SHMT2: variants seen among roughly 807,000 people sequenced by gnomAD.
SHMT2 encodes the protein serine hydroxymethyltransferase, mitochondrial.
In SHMT2, 38 loss-of-function variants were observed where a neutral mutation model predicts 59.6. The observed-to-expected ratio is 0.64, with a 90% confidence interval of 0.49 to 0.84. The LOEUF (loss-of-function observed/expected upper bound fraction) is 0.84, where lower values mean the gene tolerates loss of function less well. SHMT2 is among the 40% of genes least tolerant of loss of function. The probability of loss-of-function intolerance (pLI) is 0.00; values close to 1 mark genes in which losing one functional copy is unlikely to be tolerated. For missense variants in SHMT2, 533 were observed against 659.5 expected, an observed-to-expected ratio of 0.81 and a Z score of 2.10; for synonymous variants, 254 against 258.1, an observed-to-expected ratio of 0.98 and a Z score of 0.15.
chr12:57,230,772 G>A lies in SHMT2; in HGVS notation c.34-31G>A, dbSNP rs200094551. On this transcript the variant is annotated intron_variant, in intron 1 of 11. Coordinates refer to ENST00000328923, the MANE Select transcript of SHMT2 (RefSeq NM_005412.6). Reference sequence around the variant, plus strand: ...CGGGAGACGATTTGTCTGGACTGTTGTGATTTCACCCTGACTTTTCCTGCC... The same window carrying A: ...CGGGAGACGATTTGTCTGGACTGTTATGATTTCACCCTGACTTTTCCTGCC... The A allele has an allele frequency of 6.5e-5, 105 of 1,612,118 alleles. No individual in the cohort carries two copies. In the African/African-American group the frequency reaches 1.3e-3, roughly 19 times the overall value.
intron 1 of SHMT2, chr12:57,230,189 T>A: frequency 1.6e-6 from 2 of 1,289,222 alleles, no homozygotes; most frequent in East Asian, 4.9e-5. Flanking sequence ...CGAGCTTCAC[T>A]GCTTGCATCA....
Position 57,230,829 on chromosome 12 carries a change from C to G in SHMT2, c.60C>G (p.Val20=), listed in dbSNP as rs1291071672. Residue 20 remains valine, a synonymous_variant, in exon 2 of 12, where the codon GTC becomes GTG. Coordinates refer to ENST00000328923, the MANE Select transcript of SHMT2 (RefSeq NM_005412.6). ...CTCTGCAGAGATGTGGGCAGCTGGT[C>G]AGGATGGCCATTCGGGCTCAGCACA... ...ARPLQRCGQL[V]RMAIRAQHSN... is the part of the protein sequence containing the mutation. The G allele has an allele frequency of 6.2e-7, 1 of 1,613,926 alleles. No homozygotes were observed. The highest frequency in any genetic ancestry group is 1.3e-5 in the African/African-American group (1 of 74,894).
intron 1 of SHMT2, chr12:57,230,248 G>A (rs1216829824): frequency 1.6e-6 from 2 of 1,217,828 alleles, no homozygotes; most frequent in East Asian, 1.2e-4. Flanking sequence ...GGAACGGGTA[G>A]GGGGCTAAGT....
rs772688445 is a variant in SHMT2 at position 57,233,213 on chromosome 12, G to A, written c.891G>A (p.Lys297=). The change falls in exon 8 of 12, where the codon AAG becomes AAA. Residue 297 remains lysine, a synonymous_variant. Transcript: ENST00000328923. ...SGLIFYRKGV[K]AVDPKTGREI... ...TCATCTTCTACCGGAAAGGGGTGAA[G>A]GCTGTGGACCCCAAGACTGGCCGGG... 1.3e-5 allele frequency: 20 copies of A among 1,592,806 alleles called. No homozygotes were observed. Among genetic ancestry groups the A allele is most frequent in the Non-Finnish European group, 1.5e-5 (17 of 1,168,550 alleles).
chr12:57,233,401 C>G, intron 8 of SHMT2, 56 bp downstream of exon 8: 2 of 1,537,510 alleles, frequency 1.3e-6, no homozygotes, highest in Non-Finnish European at 1.8e-6. Context: ...AGGCTTAGAC[C>G]CTGCACCTTG....
In SHMT2 at chr12:57,231,598, A is replaced by G. The variant is rs749441303; in HGVS notation, c.311+38A>G. The G allele has an allele frequency of 1.9e-6, 3 of 1,613,058 alleles. No homozygotes were observed. The Admixed American group carries it at 5.0e-5, about 27-fold the overall frequency. ...GGGCAGTGTCAGGGATGGTGCTCCC[A>G]GTGGGGGAACCCACCTGTACCTTCC... is the stretch of plus-strand genomic sequence containing the variant. On this transcript the variant is annotated intron_variant, in intron 3 of 11. Transcript: ENST00000328923.
At chr12:57,233,119 G>T in intron 7 of SHMT2, 61 bp from the exon 8 acceptor site, 1 of 1,502,492 alleles carries the variant, frequency 6.7e-7, no homozygotes, top group Non-Finnish European at 8.9e-7. Flanking sequence ...AGCTTCCTCT[G>T]CCTTCTCTGT....
At chr12:57,233,068 C>A in intron 7 of SHMT2, 112 bp from the exon 8 acceptor site, 2 of 1,339,494 alleles carry the variant, frequency 1.5e-6, no homozygotes, top group Non-Finnish European at 2.0e-6. Context: ...ATCCAGTGTA[C>A]CAAGCCCACG....
chr12:57,232,623 G>A (rs780147063), intron 6 of SHMT2, 48 bp downstream of exon 6: 1 of 1,612,604 alleles, frequency 6.2e-7, no homozygotes, highest in African/African-American at 1.3e-5. Context: ...GGGGTGGTGA[G>A]GAGGTGTGGG....
At position 57,233,779 on chromosome 12, in the gene SHMT2, A is replaced by G; in HGVS notation, c.1154A>G (p.Asp385Gly). 6.2e-7 allele frequency: 1 copy of G among 1,614,220 alleles called. No individual in the cohort carries two copies. Among genetic ancestry groups the G allele is most frequent in the Non-Finnish European group, 8.5e-7 (1 of 1,180,032 alleles). ...GGTDNHLVLVDLRPKGLDGAR... is the reference protein window; with the variant it reads ...GGTDNHLVLVGLRPKGLDGAR... ...ACTGACAACCACCTGGTGCTGGTGG[A>G]CCTGCGGCCCAAGGGCCTGGATGGA... is the stretch of plus-strand genomic sequence containing the variant. The change falls in exon 10 of 12, where the codon GAC (aspartate) becomes GGC (glycine). Residue 385 changes from aspartate (D) to glycine (G), a missense_variant. Transcript: ENST00000328923.
In SHMT2 at chr12:57,232,217, C is replaced by T; in HGVS notation, c.519C>T (p.Thr173=). Reference sequence around the variant, plus strand: ...ACTTCCTCTCACTTCGCAGTCTCACCCACGGCTACATGTCTGACGTCAAGC... The same window carrying T: ...ACTTCCTCTCACTTCGCAGTCTCACTCACGGCTACATGTCTGACGTCAAGC... ...GLDLPDGGHL[T]HGYMSDVKRI... is the part of the protein sequence containing the mutation. Residue 173 remains threonine, a synonymous_variant, in exon 5 of 12, where the codon ACC becomes ACT. Coordinates refer to ENST00000328923, the MANE Select transcript of SHMT2 (RefSeq NM_005412.6). 1 of 1,614,108 alleles carries T rather than the reference C, an allele frequency of 6.2e-7. No homozygotes were observed. Among genetic ancestry groups the T allele is most frequent in the Non-Finnish European group, 8.5e-7 (1 of 1,179,984 alleles).
chr12:57,232,088 A>T (rs956217789), intron 4 of SHMT2, 123 bp from the exon 5 acceptor site: 1 of 1,133,392 alleles, frequency 8.8e-7, no homozygotes, highest in African/African-American at 1.5e-5. Flanking sequence ...CAGAGTGGAC[A>T]GAGCAGTGAG....
At position 57,232,514 on chromosome 12, in the gene SHMT2, G is replaced by A. The variant is rs184950916; in HGVS notation, c.656G>A (p.Arg219Gln). ...CTGACTGCTCGACTTTTCCGGCCACGGCTCATCATAGCTGGCACCAGCGCC... is the reference window on the plus strand; with the variant it reads ...CTGACTGCTCGACTTTTCCGGCCACAGCTCATCATAGCTGGCACCAGCGCC... ...LALTARLFRP[R>Q]LIIAGTSAYA... Residue 219 changes from arginine (R) to glutamine (Q), a missense_variant, in exon 6 of 12, where the codon CGG becomes CAG. Physicochemically the swap from Arg to Gln is conservative, Grantham distance 43. Coordinates refer to ENST00000328923, the MANE Select transcript of SHMT2 (RefSeq NM_005412.6). 1.4e-5 allele frequency: 23 copies of A among 1,614,210 alleles called. No individual in the cohort carries two copies. The East Asian group carries it at 3.3e-4, about 23-fold the overall frequency.
chr12:57,231,133 A>G (rs1238388244), intron 2 of SHMT2, 133 bp downstream of exon 2: 2 of 898,406 alleles, frequency 2.2e-6, no homozygotes, highest in African/African-American at 1.7e-5. Context: ...TTCCTTTCTT[A>G]TCTCCCTCAA....
intron 7 of SHMT2, 144 bp from the exon 8 acceptor site, chr12:57,233,036 G>T (rs1205610391): frequency 4.9e-6 from 6 of 1,233,258 alleles, no homozygotes; most frequent in Non-Finnish European, 6.7e-6. Context: ...GGATTGAGGG[G>T]CTGATTCCCT....
At chr12:57,232,979 C>T in intron 7 of SHMT2, 136 bp downstream of exon 7, 1 of 1,335,908 alleles carries the variant, frequency 7.5e-7, no homozygotes, top group Non-Finnish European at 1.0e-6. Flanking sequence ...GAGAGTTCTC[C>T]TTCTCTTGCC....
rs1238913785 is a variant in SHMT2, at chr12:57,233,251, C to T, written c.929C>T (p.Thr310Ile). The T allele has an allele frequency of 1.2e-6, 2 of 1,608,720 alleles. No homozygotes were observed. The highest frequency in any genetic ancestry group is 2.2e-5 in the South Asian group (2 of 90,536). Reference protein sequence around the residue: ...DPKTGREIPYTFEDRINFAVF... With the variant: ...DPKTGREIPYIFEDRINFAVF... Reference sequence around the variant, plus strand: ...AAGACTGGCCGGGAGATCCCTTACACATTTGAGGACCGAATCAACTTTGCC... The same window carrying T: ...AAGACTGGCCGGGAGATCCCTTACATATTTGAGGACCGAATCAACTTTGCC... Residue 310 changes from threonine to isoleucine, a missense_variant, in exon 8 of 12, where the codon ACA becomes ATA. Thr to Ile is a moderately conservative substitution (Grantham distance 89). Coordinates refer to ENST00000328923, the MANE Select transcript of SHMT2 (RefSeq NM_005412.6).
At chr12:57,230,441 G>A (rs1039850001) in intron 1 of SHMT2, 2 of 1,178,708 alleles carry the variant, frequency 1.7e-6, no homozygotes, top group African/African-American at 1.6e-5. Flanking sequence ...ATGGTGCCCT[G>A]CAGGAAGACC....
At position 57,233,560 on chromosome 12, in the gene SHMT2, C is replaced by G; in HGVS notation, c.1024-3C>G. The G allele has an allele frequency of 1.2e-6, 2 of 1,612,198 alleles. No individual in the cohort carries two copies. Among genetic ancestry groups the G allele is most frequent in the Non-Finnish European group, 1.7e-6 (2 of 1,178,882 alleles). ...GTGACAGCTGCTACTGTCTCATCTC[C>G]AGGCCTGCACCCCCATGTTCCGGGA... is the stretch of plus-strand genomic sequence containing the variant. On this transcript the variant is annotated splice_region_variant and splice_polypyrimidine_tract_variant and intron_variant, in intron 8 of 11. Coordinates refer to ENST00000328923, the MANE Select transcript of SHMT2 (RefSeq NM_005412.6).
Sources: allele counts gnomAD v4.1 joint callset, GRCh38; gene constraint gnomAD v4.1.1; transcripts MANE v1.5; gene names NCBI Gene and HGNC (gene_info 2026-07-23, HGNC 2026-07-21).